Variants in CDK15 observed in about 807,000 individuals in gnomAD.
CDK15 encodes the protein cyclin-dependent kinase 15.
In CDK15, 62 loss-of-function variants were observed where a neutral mutation model predicts 60.3. That is an observed-to-expected ratio of 1.03 (90% confidence interval 0.84 to 1.27). The LOEUF (loss-of-function observed/expected upper bound fraction) is 1.27, where lower values mean the gene tolerates loss of function less well. CDK15 is among the 50% of genes most tolerant of loss of function. The probability of loss-of-function intolerance (pLI) is 0.00; values close to 1 mark genes in which losing one functional copy is unlikely to be tolerated. For missense variants in CDK15, 541 were observed against 527.8 expected (o/e 1.03, Z -0.25); for synonymous variants, 194 against 195.7 (o/e 0.99, Z 0.07).
At position 201,806,591 on chromosome 2, in the gene CDK15, G is replaced by C; in HGVS notation, c.-74G>C. ...CCACGCTGCTGACCTCTGGCAAAAAGGGAGAGAACAAGGATAGGAGAGGCA... is the reference window on the plus strand; with the variant it reads ...CCACGCTGCTGACCTCTGGCAAAAACGGAGAGAACAAGGATAGGAGAGGCA... On this transcript the variant is annotated 5_prime_UTR_variant, in exon 1 of 14. Coordinates refer to ENST00000652192, the MANE Select transcript of CDK15 (RefSeq NM_001366386.2). 1 of 1,463,140 alleles carries C rather than the reference G, an allele frequency of 6.8e-7. No individual in the cohort carries two copies. Among genetic ancestry groups the C allele is most frequent in the Non-Finnish European group, 9.1e-7 (1 of 1,098,724 alleles). The allele number at this position is 1,463,140 out of a possible 1,614,324, so 90.6% of individuals were successfully genotyped here. A position where few individuals can be genotyped will look rare whatever the true frequency, so the allele number is the denominator to read the frequency against.
intron 2 of CDK15, 79 bp from the exon 3 acceptor site, chr2:201,807,778 GA>G (rs996268314): frequency 9.7e-6 from 15 of 1,546,076 alleles, no homozygotes; most frequent in African/African-American, 2.8e-5. Flanking sequence ...TTTCCCTGGG[GA>G]AAAAAAGTCA....
chr2:201,822,175 C>T (rs1382811339), intron 4 of CDK15, among the ~76,000 whole-genome samples: 3 of 152,220 alleles, frequency 2.0e-5, no homozygotes, highest in African/African-American at 7.2e-5. Flanking sequence ...GCCTTCTCCA[C>T]TTTCACCTCC....
intron 6 of CDK15, among the ~76,000 whole-genome samples, chr2:201,833,213 G>GC (rs991688466): frequency 6.9e-5 from 10 of 145,794 alleles, no homozygotes; most frequent in Admixed American, 2.1e-4. Flanking sequence ...TTTTTTTGAG[G>GC]GGGGGGGTCT....
intron 10 of CDK15, among the ~76,000 whole-genome samples, chr2:201,866,920 C>T (rs1454491108): frequency 6.6e-6 from 1 of 152,172 alleles, no homozygotes; most frequent in Non-Finnish European, 1.5e-5. Flanking sequence ...CCATTCCTGT[C>T]TCAGCTAATG....
chr2:201,872,348 G>A, intron 11 of CDK15, 22 bp downstream of exon 11: 6 of 1,359,700 alleles, frequency 4.4e-6, no homozygotes, highest in Non-Finnish European at 5.1e-6. Flanking sequence ...CTCAGGAAGG[G>A]ATCTTTAAGG....
intron 10 of CDK15, chr2:201,861,547 G>GTTTTTTTT (rs1559139706): frequency 1.1e-6 from 1 of 902,336 alleles, no homozygotes; most frequent in African/African-American, 2.1e-5. Flanking sequence ...TTTTTTGTTG[G>GTTTTTTTT]TTTGTTTTTT....
intron 10 of CDK15, among the ~76,000 whole-genome samples, chr2:201,870,312 G>C (rs938475296): frequency 6.6e-6 from 1 of 152,132 alleles, no homozygotes; most frequent in African/African-American, 2.4e-5. Flanking sequence ...GAACAGATGA[G>C]TATTATCAAA....
At position 201,849,928 on chromosome 2, in the gene CDK15, G is replaced by A. The variant is rs1050454993; in HGVS notation, c.945+2454G>A. On this transcript the variant is annotated intron_variant, in intron 9 of 13. Coordinates refer to ENST00000652192, the MANE Select transcript of CDK15 (RefSeq NM_001366386.2). ...CAAGCTCCACCTCCCCAGTTCAAGC[G>A]ATTCTCCTGCCTCAGCCTCCTGACT... is the stretch of plus-strand genomic sequence containing the variant. Among the ~76,000 whole-genome samples the A allele has an allele frequency of 5.9e-5, 9 of 152,140 alleles. No individual in the cohort carries two copies. In the East Asian group the frequency reaches 9.7e-4, roughly 16 times the overall value.
intron 4 of CDK15, among the ~76,000 whole-genome samples, chr2:201,812,889 T>C (rs1383668627): frequency 6.6e-6 from 1 of 152,086 alleles, no homozygotes; most frequent in Non-Finnish European, 1.5e-5. Flanking sequence ...AAAGAGAAAA[T>C]ATATAATCAC....
rs773003336 is a variant in CDK15 at position 201,880,199 on chromosome 2, T to C, written c.1198+32T>C. 4 of 1,610,418 alleles carry C rather than the reference T, an allele frequency of 2.5e-6. No homozygotes were observed. In the South Asian group the frequency reaches 4.4e-5, roughly 18 times the overall value. Reference sequence around the variant, plus strand: ...GAGGGAGTGTGTGCGTGTGCGTGAGTGCATGTGCGTGAGTGCGTGTGTGTG... The same window carrying C: ...GAGGGAGTGTGTGCGTGTGCGTGAGCGCATGTGCGTGAGTGCGTGTGTGTG... On this transcript the variant is annotated intron_variant, in intron 12 of 13. Transcript: ENST00000652192.
At chr2:201,810,191 G>T (rs1695691193) in intron 3 of CDK15, among the ~76,000 whole-genome samples, 1 of 151,980 alleles carries the variant, frequency 6.6e-6, no homozygotes, top group Admixed American at 6.6e-5. Context: ...TCAAAGACAT[G>T]ATAAGGCAAA....
In CDK15 at chr2:201,848,925, GA is replaced by G. The variant is rs111363647; in HGVS notation, c.945+1462del. On this transcript the variant is annotated intron_variant, in intron 9 of 13. Transcript: ENST00000652192. ...GAAAAACTGGGAAGCATTCACAACT[GA>G]AAAAAAAAAATCCAAGCCAAAAGAC... is the stretch of plus-strand genomic sequence containing the variant. Among the ~76,000 whole-genome samples, 63 of 145,828 alleles carry G rather than the reference GA, an allele frequency of 4.3e-4. 1 individual carries two copies. Among genetic ancestry groups the G allele is most frequent in the South Asian group, 3.0e-3 (14 of 4,618 alleles).
At chr2:201,815,887 A>G (rs1695969407) in intron 4 of CDK15, among the ~76,000 whole-genome samples, 1 of 152,172 alleles carries the variant, frequency 6.6e-6, no homozygotes, top group African/African-American at 2.4e-5. Flanking sequence ...TTTTTGTTGT[A>G]GAGATAAAGA....
At chr2:201,890,453 A>G (rs12052900) in intron 12 of CDK15, among the ~76,000 whole-genome samples, 13,100 of 152,270 alleles carry the variant, frequency 0.086, 1,145 homozygotes, top group African/African-American at 0.22. Context: ...GGGAGAGGTT[A>G]TCATAATCCT....
At chr2:201,826,431 C>A (rs1165679000) in intron 6 of CDK15, among the ~76,000 whole-genome samples, 1 of 114,866 alleles carries the variant, frequency 8.7e-6, no homozygotes, top group Non-Finnish European at 1.6e-5. Flanking sequence ...TGCACTCCAG[C>A]CTGGGCGACA....
chr2:201,857,202 C>T (rs1206484165), intron 10 of CDK15, among the ~76,000 whole-genome samples: 2 of 14,104 alleles, frequency 1.4e-4, no homozygotes, highest in East Asian at 1.5e-3. Flanking sequence ...GTCCGCAGTC[C>T]GACCTGGGCG....
intron 6 of CDK15, among the ~76,000 whole-genome samples, chr2:201,826,458 C>CAAAAAAAAAAAAAA (rs373198183): frequency 1.3e-5 from 1 of 78,204 alleles, no homozygotes; most frequent in African/African-American, 5.2e-5. Context: ...GACTGCGTCT[C>CAAAAAAAAAAAAAA]AAAAAAAAAA....
chr2:201,854,392 C>A (rs906734099), intron 9 of CDK15, among the ~76,000 whole-genome samples: 1 of 152,168 alleles, frequency 6.6e-6, no homozygotes. Flanking sequence ...TAATCTGAAT[C>A]CTTTTTAATT....
At chr2:201,862,013 C>T (rs1201362826) in intron 10 of CDK15, among the ~76,000 whole-genome samples, 3 of 152,184 alleles carry the variant, frequency 2.0e-5, no homozygotes, top group Admixed American at 1.3e-4. Context: ...CCAGAACTGA[C>T]TTTTGTTTTT....
Sources: gnomAD v4.1 joint callset for allele counts (sites outside exome capture counted in the v4.1 genomes callset) on GRCh38, gnomAD v4.1.1 for gene constraint, MANE v1.5 for transcripts, NCBI Gene and HGNC (gene_info 2026-07-23, HGNC 2026-07-21) for gene names.